The following CNTNAP4 variants were observed in gnomAD, a reference collection of about 807,000 sequenced individuals.
The protein encoded by CNTNAP4 is contactin-associated protein-like 4.
A neutral mutation model predicts 148.4 loss-of-function variants in CNTNAP4; 98 were observed. The ratio of observed to expected loss-of-function variants is 0.66; its 90% confidence interval spans 0.56 to 0.78. The LOEUF is 0.78. Ranked by LOEUF, CNTNAP4 falls within the 30% of genes least tolerant of loss-of-function variation. The probability of loss-of-function intolerance (pLI) is 0.00; values close to 1 mark genes in which losing one functional copy is unlikely to be tolerated. For missense variants in CNTNAP4, 1,935 were observed against 1,565.6 expected (o/e 1.24, Z -3.98); for synonymous variants, 730 against 565.1 (o/e 1.29, Z -4.14).
chr16:76,374,591 C>T (rs1455671820), intron 3 of CNTNAP4, among the ~76,000 whole-genome samples: 1 of 151,916 alleles, frequency 6.6e-6, no homozygotes, highest in African/African-American at 2.4e-5. Context: ...TTCTTGTTCT[C>T]ATAAAATCAA....
intron 12 of CNTNAP4, among the ~76,000 whole-genome samples, chr16:76,486,611 A>G (rs2082037320): frequency 6.6e-6 from 1 of 152,210 alleles, no homozygotes; most frequent in Non-Finnish European, 1.5e-5. Flanking sequence ...GCATCTTGGA[A>G]GTTAGAGATA....
At chr16:76,355,236 C>T (rs903641782) in intron 2 of CNTNAP4, 82 bp from the exon 3 acceptor site, 53 of 1,019,856 alleles carry the variant, frequency 5.2e-5, no homozygotes, top group African/African-American at 3.1e-4. Flanking sequence ...GGAATACAGT[C>T]GTACTGGCAT....
chr16:76,357,058 A>AAC (rs58020066), intron 3 of CNTNAP4, among the ~76,000 whole-genome samples: 4,005 of 148,006 alleles, frequency 0.027, 95 homozygotes, highest in East Asian at 0.062. Context: ...AACAAAACAA[A>AAC]ACACACACAC....
chr16:76,293,397 C>G (rs1244391961), intron 1 of CNTNAP4, among the ~76,000 whole-genome samples: 1 of 152,122 alleles, frequency 6.6e-6, no homozygotes, highest in Non-Finnish European at 1.5e-5. Flanking sequence ...TAAGCATTTG[C>G]TCTATCAAAC....
At chr16:76,307,753 C>G (rs1960651974) in intron 1 of CNTNAP4, among the ~76,000 whole-genome samples, 1 of 152,026 alleles carries the variant, frequency 6.6e-6, no homozygotes. Context: ...GTCTTAATAT[C>G]TGGACTTTAA....
chr16:76,406,394 A>T (rs1422051055), intron 3 of CNTNAP4, among the ~76,000 whole-genome samples: 1 of 152,046 alleles, frequency 6.6e-6, no homozygotes, highest in Non-Finnish European at 1.5e-5. Context: ...GAGAGACAAC[A>T]ATATTGAAAT....
rs138261248 is a variant in CNTNAP4, at chr16:76,449,593, G to A, written c.928-122G>A. 118 of 697,646 alleles carry A rather than the reference G, an allele frequency of 1.7e-4. No individual in the cohort carries two copies. The East Asian group carries it at 3.6e-3, about 21-fold the overall frequency. 43.2% of individuals were successfully genotyped at this position (697,646 alleles called of 1,614,324 possible). On this transcript the variant is annotated intron_variant, in intron 6 of 23. Coordinates refer to ENST00000611870, the MANE Select transcript of CNTNAP4 (RefSeq NM_033401.5). The stretch of plus-strand genomic sequence containing the variant: ...TTTAAATCTATATCTTAATTTTTGT[G>A]TGTGTAGGGTTATGAAAAATTGATC...
chr16:76,505,858 C>T (rs1361848065), intron 15 of CNTNAP4, among the ~76,000 whole-genome samples: 2 of 96,300 alleles, frequency 2.1e-5, no homozygotes, highest in African/African-American at 5.2e-5. Context: ...TATGATTGCA[C>T]CACTGCACTA....
intron 1 of CNTNAP4, among the ~76,000 whole-genome samples, chr16:76,295,189 C>G (rs1959204417): frequency 6.6e-6 from 1 of 152,086 alleles, no homozygotes; most frequent in Admixed American, 6.6e-5. Flanking sequence ...AAGGTGTTTA[C>G]TGAAGGATGA....
At chr16:76,399,374 G>A (rs1367076725) in intron 3 of CNTNAP4, among the ~76,000 whole-genome samples, 2 of 152,120 alleles carry the variant, frequency 1.3e-5, no homozygotes, top group East Asian at 1.9e-4. Context: ...GCTCTGCAAA[G>A]CAATAAGCTA....
At chr16:76,387,918 C>A (rs149092046) in intron 3 of CNTNAP4, among the ~76,000 whole-genome samples, 12 of 152,140 alleles carry the variant, frequency 7.9e-5, no homozygotes, top group African/African-American at 2.9e-4. Context: ...GATCTATTCC[C>A]CTCTTTTGTT....
chr16:76,373,605 A>G (rs1017828976), intron 3 of CNTNAP4, among the ~76,000 whole-genome samples: 1 of 152,046 alleles, frequency 6.6e-6, no homozygotes, highest in African/African-American at 2.4e-5. Context: ...AAAGGAGGAA[A>G]CTGGACAGGC....
chr16:76,439,656 C>T (rs115635110), intron 4 of CNTNAP4, among the ~76,000 whole-genome samples: 1,847 of 152,144 alleles, frequency 0.012, 38 homozygotes, highest in African/African-American at 0.043. Context: ...CATGTTTTTT[C>T]CCATAACCTG....
intron 2 of CNTNAP4, among the ~76,000 whole-genome samples, chr16:76,330,140 C>G (rs1443306615): frequency 1.3e-5 from 2 of 152,176 alleles, no homozygotes; most frequent in Non-Finnish European, 2.9e-5. Context: ...TACATCACCT[C>G]CAAACCAGCT....
chr16:76,388,030 A>G (rs1813724800), intron 3 of CNTNAP4, among the ~76,000 whole-genome samples: 2 of 152,152 alleles, frequency 1.3e-5, no homozygotes, highest in South Asian at 4.1e-4. Context: ...TTGCCAGTCT[A>G]TTTTGCCCCA....
chr16:76,343,734 A>C (rs1459272709), intron 2 of CNTNAP4, among the ~76,000 whole-genome samples: 1 of 146,528 alleles, frequency 6.8e-6, no homozygotes, highest in Non-Finnish European at 1.5e-5. Context: ...AATATGTTGA[A>C]ACTTCATTTT....
At chr16:76,397,520 G>A (rs898375849) in intron 3 of CNTNAP4, among the ~76,000 whole-genome samples, 2 of 151,956 alleles carry the variant, frequency 1.3e-5, no homozygotes, top group African/African-American at 4.8e-5. Flanking sequence ...CAGATACGCA[G>A]TGGGTGGGTT....
At chr16:76,555,567 A>G (rs2085163202) in intron 23 of CNTNAP4, among the ~76,000 whole-genome samples, 1 of 152,226 alleles carries the variant, frequency 6.6e-6, no homozygotes, top group African/African-American at 2.4e-5. Flanking sequence ...AGGTAAATAC[A>G]GATACAGAGA....
chr16:76,326,777 C>T (rs538454493), intron 2 of CNTNAP4, among the ~76,000 whole-genome samples: 1 of 146,676 alleles, frequency 6.8e-6, no homozygotes, highest in Non-Finnish European at 1.5e-5. Context: ...GGAAGGGGAA[C>T]ATCACACACC....
Sources: gnomAD v4.1 joint callset for allele counts (sites outside exome capture counted in the v4.1 genomes callset) on GRCh38, gnomAD v4.1.1 for gene constraint, MANE v1.5 for transcripts, NCBI Gene and HGNC (gene_info 2026-07-23, HGNC 2026-07-21) for gene names.